ADAMTS2: variants seen among roughly 807,000 people sequenced by gnomAD.
ADAMTS2 encodes the protein ADAM metallopeptidase with thrombospondin type 1 motif 2, also known as A disintegrin and metalloproteinase with thrombospondin motifs 2.
A neutral mutation model predicts 123.0 loss-of-function variants in ADAMTS2; 50 were observed. That is an observed-to-expected ratio of 0.41 (90% confidence interval 0.32 to 0.51). ADAMTS2 has a LOEUF of 0.51. Ranked by LOEUF, ADAMTS2 falls within the 20% of genes least tolerant of loss-of-function variation. The probability of loss-of-function intolerance (pLI) is 0.35; values close to 1 mark genes in which losing one functional copy is unlikely to be tolerated. For synonymous variants in ADAMTS2, 678 were observed against 695.4 expected (o/e 0.98, Z 0.39); for missense variants, 1,494 against 1,705.2 (o/e 0.88, Z 2.18).
At position 179,162,141 on chromosome 5, in the gene ADAMTS2, GT is replaced by G. The variant is rs1763602573; in HGVS notation, c.976-3263del. Among the ~76,000 whole-genome samples the G allele has an allele frequency of 6.6e-6, 1 of 152,224 alleles. No homozygotes were observed. The highest frequency in any genetic ancestry group is 1.5e-5 in the Non-Finnish European group (1 of 68,034). On this transcript the variant is annotated intron_variant, in intron 5 of 21. Transcript: ENST00000251582. The surrounding 1 kb of genome is among the most constrained non-coding windows in gnomAD (Gnocchi z 5.1). Reference sequence around the variant, plus strand: ...CTGCCCTCAGGGTCCTAAGCCCCATGTAGTGGGACGGTCCCTTCCGATGCCC... The same window carrying G: ...CTGCCCTCAGGGTCCTAAGCCCCATGAGTGGGACGGTCCCTTCCGATGCCC...
At chr5:179,191,421 T>A (rs1041441586) in intron 4 of ADAMTS2, among the ~76,000 whole-genome samples, 3 of 152,132 alleles carry the variant, frequency 2.0e-5, no homozygotes, top group Non-Finnish European at 4.4e-5. Flanking sequence ...GCCCGGCCCA[T>A]CCCGTGACTG....
intron 3 of ADAMTS2, among the ~76,000 whole-genome samples, chr5:179,230,871 C>A (rs1423798226): frequency 1.3e-5 from 2 of 152,108 alleles, no homozygotes; most frequent in Non-Finnish European, 2.9e-5. Flanking sequence ...ATTAGCCGGG[C>A]ATGGTGGTGG....
chr5:179,124,156 G>T (rs188409288), intron 19 of ADAMTS2, among the ~76,000 whole-genome samples: 14 of 152,250 alleles, frequency 9.2e-5, no homozygotes, highest in African/African-American at 3.1e-4. Flanking sequence ...GCAACTGCAA[G>T]TCCCGCTTCT....
In ADAMTS2 at chr5:179,228,163, C is replaced by T. The variant is rs980952083; in HGVS notation, c.689-20448G>A. 1.3e-5 allele frequency among the ~76,000 whole-genome samples: 2 copies of T among 152,136 alleles called. No homozygotes were observed. Among genetic ancestry groups the T allele is most frequent in the Admixed American group, 6.5e-5 (1 of 15,278 alleles). ...TCTGGAGCACAGAGAGAGGGTGGGCCGGAGGCCCCAGGTGTGGGCGGCCTC... is the reference window on the plus strand; with the variant it reads ...TCTGGAGCACAGAGAGAGGGTGGGCTGGAGGCCCCAGGTGTGGGCGGCCTC... On this transcript the variant is annotated intron_variant, in intron 3 of 21. Transcript: ENST00000251582. This position sits in a 1 kb window ranked among gnomAD's most constrained non-coding sequence, Gnocchi z 5.2.
chr5:179,200,406 A>G (rs2113358313), intron 4 of ADAMTS2, among the ~76,000 whole-genome samples: 1 of 150,924 alleles, frequency 6.6e-6, no homozygotes, highest in East Asian at 1.9e-4. Flanking sequence ...GTGCCACCAC[A>G]CTCGGCTTAT....
intron 13 of ADAMTS2, 70 bp downstream of exon 13, chr5:179,135,839 G>T: frequency 1.2e-6 from 2 of 1,605,498 alleles, no homozygotes; most frequent in Non-Finnish European, 1.7e-6. Flanking sequence ...ACCCCGAAAA[G>T]GGGGAGGTCA....
chr5:179,167,565 C>G (rs1200318268), intron 5 of ADAMTS2, among the ~76,000 whole-genome samples: 1 of 151,990 alleles, frequency 6.6e-6, no homozygotes, highest in Non-Finnish European at 1.5e-5. Flanking sequence ...GCCTGGAGGC[C>G]GCCTCCGCTG....
At chr5:179,274,015 C>T (rs1766620897) in intron 2 of ADAMTS2, among the ~76,000 whole-genome samples, 1 of 150,446 alleles carries the variant, frequency 6.6e-6, no homozygotes. Flanking sequence ...ACCACCCCAT[C>T]CCCAGCTCGG....
chr5:179,163,797 G>T lies in ADAMTS2; in HGVS notation c.976-4918C>A, dbSNP rs116937956. 0.013 allele frequency among the ~76,000 whole-genome samples: 2,052 copies of T among 152,296 alleles called. 80 individuals are homozygous for T. In the East Asian group the frequency reaches 0.15, roughly 11 times the overall value. On this transcript the variant is annotated intron_variant, in intron 5 of 21. Coordinates refer to ENST00000251582, the MANE Select transcript of ADAMTS2 (RefSeq NM_014244.5). ...TTTGTTCTCGGCCCAGTCCAAGAAG[G>T]CAGCCTGCCACTTTCGTTCTCCAAC...
In ADAMTS2 at chr5:179,320,508, C is replaced by T. The variant is rs185048876; in HGVS notation, c.534+23259G>A. On this transcript the variant is annotated intron_variant, in intron 2 of 21. Transcript: ENST00000251582. ...TTTTTTTTTGTATTTTTAGTAGAGA[C>T]GAGGTTTCACCATTTTAGCCAGGAT... Among the ~76,000 whole-genome samples, 505 of 147,426 alleles carry T rather than the reference C, an allele frequency of 3.4e-3. 7 individuals carry two copies. The highest frequency in any genetic ancestry group is 0.027 in the Admixed American group (399 of 14,590).
At chr5:179,114,584 C>A (rs1270876046) in intron 21 of ADAMTS2, among the ~76,000 whole-genome samples, 1 of 152,218 alleles carries the variant, frequency 6.6e-6, no homozygotes, top group Non-Finnish European at 1.5e-5. Flanking sequence ...CCAGTTGAAC[C>A]TGGATGTTTC....
rs1199277659 is a variant in ADAMTS2, at chr5:179,225,728, G to A, written c.689-18013C>T. Among the ~76,000 whole-genome samples the A allele has an allele frequency of 6.6e-6, 1 of 152,172 alleles. No homozygotes were observed. The highest frequency in any genetic ancestry group is 1.5e-5 in the Non-Finnish European group (1 of 68,034). On this transcript the variant is annotated intron_variant, in intron 3 of 21. Coordinates refer to ENST00000251582, the MANE Select transcript of ADAMTS2 (RefSeq NM_014244.5). This position sits in a 1 kb window ranked among gnomAD's most constrained non-coding sequence, Gnocchi z 4.5. Reference sequence around the variant, plus strand: ...GCTTAGCGGCCCGACTCCAGGGAAAGCCCTTTGCACCCCATCCTCCTTCTG... The same window carrying A: ...GCTTAGCGGCCCGACTCCAGGGAAAACCCTTTGCACCCCATCCTCCTTCTG...
At chr5:179,292,909 C>A (rs1252580474) in intron 2 of ADAMTS2, among the ~76,000 whole-genome samples, 2 of 152,186 alleles carry the variant, frequency 1.3e-5, no homozygotes, top group Non-Finnish European at 2.9e-5. Context: ...TTGTCTTCTG[C>A]TTAAGTGAGT....
chr5:179,299,169 T>C (rs1756427660), intron 2 of ADAMTS2, among the ~76,000 whole-genome samples: 1 of 151,806 alleles, frequency 6.6e-6, no homozygotes, highest in Admixed American at 6.6e-5. Context: ...GTGACATATA[T>C]GTAACAAGAT....
chr5:179,214,680 G>T (rs1581195882), intron 3 of ADAMTS2, among the ~76,000 whole-genome samples: 1 of 152,148 alleles, frequency 6.6e-6, no homozygotes, highest in African/African-American at 2.4e-5. Context: ...TACACAAAAA[G>T]TAGTATAATA....
In ADAMTS2 at chr5:179,242,852, C is replaced by G. The variant is rs1765700394; in HGVS notation, c.688+30059G>C. ...ACTCCCAGTGACAGAGGGTAACTCCCTGCTGAGTGTGACCGAAAGGCCGGA... is the reference window on the plus strand; with the variant it reads ...ACTCCCAGTGACAGAGGGTAACTCCGTGCTGAGTGTGACCGAAAGGCCGGA... On this transcript the variant is annotated intron_variant, in intron 3 of 21. Coordinates refer to ENST00000251582, the MANE Select transcript of ADAMTS2 (RefSeq NM_014244.5). This position sits in a 1 kb window ranked among gnomAD's most constrained non-coding sequence, Gnocchi z 4.2. 6.6e-6 allele frequency among the ~76,000 whole-genome samples: 1 copy of G among 152,188 alleles called. No homozygotes were observed. The highest frequency in any genetic ancestry group is 2.4e-5 in the African/African-American group (1 of 41,440).
chr5:179,340,769 T>C (rs1757750161), intron 2 of ADAMTS2, among the ~76,000 whole-genome samples: 1 of 152,142 alleles, frequency 6.6e-6, no homozygotes, highest in Admixed American at 6.5e-5. Flanking sequence ...ACAATGTTAA[T>C]AGGAACACAG....
intron 6 of ADAMTS2, among the ~76,000 whole-genome samples, chr5:179,157,594 T>C (rs10079886): frequency 0.19 from 29,335 of 151,636 alleles, 3,673 homozygotes; most frequent in African/African-American, 0.36. Flanking sequence ...CATAGCTCAC[T>C]TCCTGGGCTC....
In ADAMTS2 at chr5:179,189,345, G is replaced by A. The variant is rs961569718; in HGVS notation, c.892-8190C>T. ...GGTTTGGGATAGACGGTGGAGTTAG[G>A]AGCAATTTTTTTTTTTTTTTGAGAC... is the stretch of plus-strand genomic sequence containing the variant. On this transcript the variant is annotated intron_variant, in intron 4 of 21. Transcript: ENST00000251582. This position sits in a 1 kb window ranked among gnomAD's most constrained non-coding sequence, Gnocchi z 4.2. 6.7e-6 allele frequency among the ~76,000 whole-genome samples: 1 copy of A among 149,168 alleles called. No homozygotes were observed. The highest frequency in any genetic ancestry group is 1.5e-5 in the Non-Finnish European group (1 of 67,392).
Sources: gnomAD v4.1 joint callset for allele counts (sites outside exome capture counted in the v4.1 genomes callset) on GRCh38, gnomAD v4.1.1 for gene constraint, Gnocchi (gnomAD v3.1) non-coding constraint, MANE v1.5 for transcripts, NCBI Gene and HGNC (gene_info 2026-07-23, HGNC 2026-07-21) for gene names.